The following FBXO40 variants were observed in gnomAD, a reference collection of about 807,000 sequenced individuals.
FBXO40 encodes the protein F-box only protein 40.
Under a neutral mutation model 49.9 loss-of-function variants are expected in FBXO40, and 50 were observed. The observed-to-expected ratio is 1.00, with a 90% confidence interval of 0.80 to 1.27. The LOEUF (loss-of-function observed/expected upper bound fraction) is 1.27, where lower values mean the gene tolerates loss of function less well. FBXO40 is among the 50% of genes most tolerant of loss of function. The pLI is 0.00. For synonymous variants in FBXO40, 340 were observed against 320.2 expected (o/e 1.06, Z -0.66); for missense variants, 895 against 870.1 (o/e 1.03, Z -0.36).
chr3:121,626,879 G>A lies in FBXO40; in HGVS notation c.2099G>A (p.Arg700Lys). ...QARESLVSTF[R>K]IRPRGRYVS Reference sequence around the variant, plus strand: ...CGAGAGAGCTTAGTCTCCACCTTTAGAATCAGACCACGAGGAAGATACGTC... The same window carrying A: ...CGAGAGAGCTTAGTCTCCACCTTTAAAATCAGACCACGAGGAAGATACGTC... The change falls in exon 4 of 4, where the codon AGA (arginine) becomes AAA (lysine). Residue 700 changes from arginine to lysine, a missense_variant. Transcript: ENST00000338040. 6.2e-7 allele frequency: 1 copy of A among 1,614,102 alleles called. No individual in the cohort carries two copies. Among genetic ancestry groups the A allele is most frequent in the South Asian group, 1.1e-5 (1 of 91,064 alleles).
intron 1 of FBXO40, among the ~76,000 whole-genome samples, chr3:121,602,600 T>G (rs1160794600): frequency 6.6e-6 from 1 of 152,206 alleles, no homozygotes; most frequent in Non-Finnish European, 1.5e-5. Flanking sequence ...CCATCCAAGC[T>G]TCCATCGCAT....
chr3:121,620,644 T>C, intron 2 of FBXO40, 66 bp downstream of exon 2: 2 of 1,595,230 alleles, frequency 1.3e-6, no homozygotes, highest in South Asian at 1.1e-5. Flanking sequence ...ATTTATCCTG[T>C]AGCCCAAGCA....
chr3:121,602,891 C>A (rs1429186439), intron 1 of FBXO40, among the ~76,000 whole-genome samples: 1 of 152,042 alleles, frequency 6.6e-6, no homozygotes, highest in Admixed American at 6.6e-5. Flanking sequence ...GTGTTTCCTG[C>A]TGGATCCTAT....
intron 1 of FBXO40, among the ~76,000 whole-genome samples, chr3:121,617,192 A>G (rs1363862083): frequency 6.6e-6 from 1 of 152,228 alleles, no homozygotes; most frequent in Non-Finnish European, 1.5e-5. Context: ...GAAATGATAA[A>G]TACTTGAGAT....
At chr3:121,612,373 G>A (rs898766265) in intron 1 of FBXO40, among the ~76,000 whole-genome samples, 1 of 152,102 alleles carries the variant, frequency 6.6e-6, no homozygotes, top group South Asian at 2.1e-4. Context: ...GGAGGTGATG[G>A]CAGGACATCG....
rs184710618 is a variant in FBXO40, at chr3:121,597,697, T to C, written c.-31+4195T>C. 5.5e-3 allele frequency among the ~76,000 whole-genome samples: 785 copies of C among 143,556 alleles called. 9 individuals are homozygous for C. The highest frequency in any genetic ancestry group is 9.7e-3 in the South Asian group (42 of 4,340). 94.2% of individuals were successfully genotyped at this position (143,556 alleles called of 152,430 possible). A position where few individuals can be genotyped will look rare whatever the true frequency, so the allele number is the denominator to read the frequency against. ...TTTTTTTTGAGACAGAATTTCACTCTGTTGCCCAGGCTGGAGTGCAGTGGC... is the reference window on the plus strand; with the variant it reads ...TTTTTTTTGAGACAGAATTTCACTCCGTTGCCCAGGCTGGAGTGCAGTGGC... On this transcript the variant is annotated intron_variant, in intron 1 of 3. Coordinates refer to ENST00000338040, the MANE Select transcript of FBXO40 (RefSeq NM_016298.4).
In FBXO40 at chr3:121,627,010, C is replaced by T. The variant is rs1046542831; in HGVS notation, c.*100C>T. 9.1e-7 allele frequency: 1 copy of T among 1,101,728 alleles called. No individual in the cohort carries two copies. The highest frequency in any genetic ancestry group is 1.4e-5 in the South Asian group (1 of 73,768). The allele number at this position is 1,101,728 out of a possible 1,614,324, so 68.2% of individuals were successfully genotyped here. A position where few individuals can be genotyped will look rare whatever the true frequency, so the allele number is the denominator to read the frequency against. On this transcript the variant is annotated 3_prime_UTR_variant, in exon 4 of 4. Coordinates refer to ENST00000338040, the MANE Select transcript of FBXO40 (RefSeq NM_016298.4). Reference sequence around the variant, plus strand: ...TTTGAGGACTCCCTTCTGTAAACTGCCTATTTGCTTATCGGGGTGTATTGG... The same window carrying T: ...TTTGAGGACTCCCTTCTGTAAACTGTCTATTTGCTTATCGGGGTGTATTGG...
chr3:121,607,401 C>T (rs1388835765), intron 1 of FBXO40, among the ~76,000 whole-genome samples: 1 of 143,794 alleles, frequency 7.0e-6, no homozygotes, highest in Admixed American at 7.1e-5. Flanking sequence ...GCTCCGCCTC[C>T]TGGGTTCATG....
intron 2 of FBXO40, 100 bp from the exon 3 acceptor site, chr3:121,621,333 A>G: frequency 1.9e-6 from 2 of 1,047,516 alleles, no homozygotes; most frequent in African/African-American, 1.6e-5. Flanking sequence ...AAAAGCAGGT[A>G]TAAACAGGAA....
intron 1 of FBXO40, among the ~76,000 whole-genome samples, chr3:121,616,847 G>A (rs1043195594): frequency 2.0e-5 from 3 of 152,176 alleles, no homozygotes; most frequent in East Asian, 1.9e-4. Context: ...CTTGGCAATC[G>A]AATGGAACAA....
chr3:121,614,614 C>A (rs904297534), intron 1 of FBXO40, among the ~76,000 whole-genome samples: 2 of 152,140 alleles, frequency 1.3e-5, no homozygotes, highest in African/African-American at 4.8e-5. Context: ...TGGCAAACAT[C>A]TCATAGGGCC....
At chr3:121,600,711 T>A (rs753324044) in intron 1 of FBXO40, among the ~76,000 whole-genome samples, 1 of 152,212 alleles carries the variant, frequency 6.6e-6, no homozygotes, top group Non-Finnish European at 1.5e-5. Context: ...GGCCTAGGCC[T>A]CTTTGTGCCT....
At chr3:121,605,714 T>G (rs2048928991) in intron 1 of FBXO40, among the ~76,000 whole-genome samples, 1 of 152,240 alleles carries the variant, frequency 6.6e-6, no homozygotes. Context: ...TGAGAATGGC[T>G]TCCTATGCCC....
rs2049044413 is a variant in FBXO40, at chr3:121,623,254, A to G, written c.1825A>G (p.Thr609Ala). 6 of 1,614,088 alleles carry G rather than the reference A, an allele frequency of 3.7e-6. No individual in the cohort carries two copies. Among genetic ancestry groups the G allele is most frequent in the African/African-American group, 1.3e-5 (1 of 74,930 alleles). The part of the protein sequence containing the change: ...VSVLMRNICA[T>A]LLQERGMVLL... ...TGTGCTGATGAGGAATATCTGTGCC[A>G]CTTTGTTACAAGAGAGAGGAATGGT... is the stretch of plus-strand genomic sequence containing the variant. The change falls in exon 3 of 4, where the codon ACT becomes GCT. Residue 609 changes from threonine (T) to alanine (A), a missense_variant. Transcript: ENST00000338040.
At chr3:121,617,361 T>C (rs577562575) in intron 1 of FBXO40, among the ~76,000 whole-genome samples, 14 of 151,750 alleles carry the variant, frequency 9.2e-5, no homozygotes, top group African/African-American at 3.1e-4. Context: ...TTTGGGAGGC[T>C]GAGGCGGGCG....
Position 121,622,254 on chromosome 3 carries a change from G to T in FBXO40, c.825G>T (p.Gln275His), listed in dbSNP as rs148662250. 15 of 1,614,180 alleles carry T rather than the reference G, an allele frequency of 9.3e-6. No homozygotes were observed. The highest frequency in any genetic ancestry group is 2.7e-5 in the African/African-American group (2 of 75,062). ...AAGAACCACAGGAAAATCAGAAGCA[G>T]CAGGACGTTCGTACAGCCATGGAAA... The part of the protein sequence containing the change: ...KKKEPQENQK[Q>H]QDVRTAMETT... Residue 275 changes from glutamine (Q) to histidine (H), a missense_variant, in exon 3 of 4, where the codon CAG becomes CAT. Physicochemically the swap from Gln to His is conservative, Grantham distance 24. Transcript: ENST00000338040.
At chr3:121,612,048 C>T (rs1237245673) in intron 1 of FBXO40, among the ~76,000 whole-genome samples, 1 of 152,158 alleles carries the variant, frequency 6.6e-6, no homozygotes, top group East Asian at 1.9e-4. Flanking sequence ...TATCTTATGT[C>T]TTCCCTTTCT....
chr3:121,596,567 G>A (rs749021523), intron 1 of FBXO40, among the ~76,000 whole-genome samples: 2 of 152,196 alleles, frequency 1.3e-5, no homozygotes, highest in Non-Finnish European at 2.9e-5. Context: ...GTTGAAGTTT[G>A]AGAAGCTATG....
chr3:121,622,725 C>G lies in FBXO40; in HGVS notation c.1296C>G (p.Asn432Lys). ...LFMDFATQTY[N>K]FEPEQFSSGT... is the part of the protein sequence containing the mutation. Reference sequence around the variant, plus strand: ...TGGATTTTGCCACACAAACATACAACTTTGAGCCAGAACAGTTTTCCTCTG... The same window carrying G: ...TGGATTTTGCCACACAAACATACAAGTTTGAGCCAGAACAGTTTTCCTCTG... Residue 432 changes from asparagine to lysine, a missense_variant, in exon 3 of 4, where the codon AAC becomes AAG. Asn to Lys is a moderately conservative substitution (Grantham distance 94). Transcript: ENST00000338040. 1.2e-6 allele frequency: 2 copies of G among 1,614,198 alleles called. No homozygotes were observed. Among genetic ancestry groups the G allele is most frequent in the Non-Finnish European group, 1.7e-6 (2 of 1,180,042 alleles).
Sources: gnomAD v4.1 joint callset for allele counts (sites outside exome capture counted in the v4.1 genomes callset) on GRCh38, gnomAD v4.1.1 for gene constraint, MANE v1.5 for transcripts, NCBI Gene and HGNC (gene_info 2026-07-23, HGNC 2026-07-21) for gene names.